CHCHD3: variants seen among roughly 807,000 people sequenced by gnomAD.
CHCHD3 encodes the protein MICOS complex subunit MIC19.
In CHCHD3, 20 loss-of-function variants were observed where a neutral mutation model predicts 38.2. The observed-to-expected ratio is 0.52, with a 90% CI of 0.37 to 0.76. The LOEUF is 0.76. Ranked by LOEUF, CHCHD3 falls within the 30% of genes least tolerant of loss-of-function variation. The pLI is 0.00. For missense variants in CHCHD3, 245 were observed against 279.2 expected (o/e 0.88, Z 0.87); for synonymous variants, 82 against 100.0 (o/e 0.82, Z 1.07).
chr7:132,814,088 T>C (rs763708710), intron 6 of CHCHD3, among the ~76,000 whole-genome samples: 3 of 152,224 alleles, frequency 2.0e-5, no homozygotes, highest in Non-Finnish European at 4.4e-5. Flanking sequence ...GCCTTAATAG[T>C]AGCAAAATCT....
chr7:132,951,289 C>T (rs750483112), intron 4 of CHCHD3, among the ~76,000 whole-genome samples: 1 of 152,104 alleles, frequency 6.6e-6, no homozygotes, highest in South Asian at 2.1e-4. Context: ...ATCCTATTTC[C>T]TAGGAATGAA....
At chr7:133,021,924 A>G (rs548095547) in intron 3 of CHCHD3, among the ~76,000 whole-genome samples, 9 of 152,164 alleles carry the variant, frequency 5.9e-5, no homozygotes, top group African/African-American at 2.2e-4. Flanking sequence ...GTCTCTACTA[A>G]AAATACAAAA....
At chr7:133,024,169 T>C (rs1813268705) in intron 3 of CHCHD3, among the ~76,000 whole-genome samples, 1 of 152,228 alleles carries the variant, frequency 6.6e-6, no homozygotes, top group Non-Finnish European at 1.5e-5. Flanking sequence ...ACGATATTCA[T>C]CATGAGCCAA....
chr7:132,803,149 T>C (rs1806831687), intron 6 of CHCHD3, among the ~76,000 whole-genome samples: 3 of 152,262 alleles, frequency 2.0e-5, no homozygotes, highest in Admixed American at 1.3e-4. Flanking sequence ...TCACAGCCCA[T>C]AGAAGTAGCC....
chr7:132,977,179 T>C (rs1267460234), intron 3 of CHCHD3, among the ~76,000 whole-genome samples: 4 of 152,212 alleles, frequency 2.6e-5, no homozygotes, highest in Non-Finnish European at 4.4e-5. Context: ...CACCACTTCC[T>C]AGAACAGCAG....
chr7:133,029,251 C>T (rs188923845), intron 2 of CHCHD3, among the ~76,000 whole-genome samples: 37 of 152,210 alleles, frequency 2.4e-4, no homozygotes, highest in Middle Eastern at 6.8e-3. Context: ...ACAAATATAT[C>T]GAGCACCACA....
chr7:132,788,699 C>T lies in CHCHD3; in HGVS notation c.661-3039G>A, dbSNP rs1014701375. ...CACATAAAGACACTAAAAGAAGTAACATTTTAATAACCCCTTTAGCCACAT... is the reference window on the plus strand; with the variant it reads ...CACATAAAGACACTAAAAGAAGTAATATTTTAATAACCCCTTTAGCCACAT... On this transcript the variant is annotated intron_variant, in intron 7 of 7. Transcript: ENST00000262570. The surrounding 1 kb of genome is among the most constrained non-coding windows in gnomAD (Gnocchi z 4.0). Among the ~76,000 whole-genome samples the T allele has an allele frequency of 4.6e-5, 7 of 152,182 alleles. No individual in the cohort carries two copies. The highest frequency in any genetic ancestry group is 1.4e-4 in the African/African-American group (6 of 41,452).
chr7:132,828,244 T>A (rs1807557561), intron 6 of CHCHD3, among the ~76,000 whole-genome samples: 1 of 152,154 alleles, frequency 6.6e-6, no homozygotes, highest in Non-Finnish European at 1.5e-5. Context: ...ACCAGCAAAG[T>A]GAGTTCTGGT....
Position 132,844,301 on chromosome 7 carries a change from AAAAC to A in CHCHD3, c.454-5836_454-5833del, listed in dbSNP as rs565527356. Among the ~76,000 whole-genome samples the A allele has an allele frequency of 1.5e-3, 225 of 152,322 alleles. 1 individual carries two copies. The highest frequency in any genetic ancestry group is 5.0e-3 in the African/African-American group (208 of 41,554). ...CGACAGAGCAAGACCTGTCTCAAAA[AAAAC>A]AAAAAAATGTGGAGAAAGAAAGATG... On this transcript the variant is annotated intron_variant, in intron 5 of 7. Coordinates refer to ENST00000262570, the MANE Select transcript of CHCHD3 (RefSeq NM_017812.4).
At chr7:133,049,864 A>G (rs1814098958) in intron 2 of CHCHD3, among the ~76,000 whole-genome samples, 1 of 152,230 alleles carries the variant, frequency 6.6e-6, no homozygotes, top group Non-Finnish European at 1.5e-5. Context: ...GAACCTCTGA[A>G]CAATGACTCC....
At chr7:133,018,875 CTTTTTTTTTTTT>C (rs5887607) in intron 3 of CHCHD3, among the ~76,000 whole-genome samples, 2 of 70,150 alleles carry the variant, frequency 2.9e-5, no homozygotes, top group Non-Finnish European at 4.9e-5. Context: ...CATGATTTCT[CTTTTTTTTTTTT>C]TTTTTTTTTT....
chr7:132,830,430 AC>A (rs1483518431), intron 6 of CHCHD3, among the ~76,000 whole-genome samples: 1 of 152,220 alleles, frequency 6.6e-6, no homozygotes. Context: ...AAAACAACTT[AC>A]GACCATTTTT....
At chr7:132,802,209 A>G (rs921239719) in intron 6 of CHCHD3, among the ~76,000 whole-genome samples, 1 of 152,106 alleles carries the variant, frequency 6.6e-6, no homozygotes, top group African/African-American at 2.4e-5. Flanking sequence ...GGCAGGGTGG[A>G]AAAACCTAGG....
intron 4 of CHCHD3, among the ~76,000 whole-genome samples, chr7:132,949,513 T>C (rs1487923687): frequency 6.6e-6 from 1 of 152,198 alleles, no homozygotes; most frequent in Admixed American, 6.5e-5. Flanking sequence ...TAACAGTAAT[T>C]GTTCCAGAAT....
At chr7:132,989,892 G>A (rs1196063689) in intron 3 of CHCHD3, among the ~76,000 whole-genome samples, 2 of 152,128 alleles carry the variant, frequency 1.3e-5, no homozygotes, top group Non-Finnish European at 2.9e-5. Context: ...CACATCAAAT[G>A]TCATAATATT....
At chr7:132,978,883 C>CA in intron 3 of CHCHD3, among the ~76,000 whole-genome samples, 1 of 152,256 alleles carries the variant, frequency 6.6e-6, no homozygotes, top group South Asian at 2.1e-4. Flanking sequence ...TTCATCCTTA[C>CA]AAATAGAACT....
At chr7:132,857,124 G>A (rs1443212242) in intron 5 of CHCHD3, among the ~76,000 whole-genome samples, 1 of 152,186 alleles carries the variant, frequency 6.6e-6, no homozygotes, top group African/African-American at 2.4e-5. Flanking sequence ...ATGGTGCACT[G>A]TAAAGTACCT....
chr7:132,848,888 G>A (rs545406258), intron 5 of CHCHD3, among the ~76,000 whole-genome samples: 10 of 152,146 alleles, frequency 6.6e-5, no homozygotes, highest in South Asian at 6.2e-4. Context: ...CCTACCCTCC[G>A]TCTTTACTCA....
intron 5 of CHCHD3, among the ~76,000 whole-genome samples, chr7:132,846,739 T>TA (rs1373899275): frequency 6.6e-6 from 1 of 152,116 alleles, no homozygotes; most frequent in African/African-American, 2.4e-5. Flanking sequence ...TGCTCATATT[T>TA]AAAACAGGAT....
Sources: allele counts gnomAD v4.1 joint callset (sites outside exome capture counted in the v4.1 genomes callset), GRCh38; gene constraint gnomAD v4.1.1; non-coding constraint Gnocchi (gnomAD v3.1); transcripts MANE v1.5; gene names NCBI Gene and HGNC (gene_info 2026-07-23, HGNC 2026-07-21).